The following GSTA1 variants were observed in gnomAD, a reference collection of about 807,000 sequenced individuals.
GSTA1 encodes glutathione S-transferase alpha 1, also known as glutathione S-transferase A1.
In GSTA1, 23 loss-of-function variants were observed where a neutral mutation model predicts 21.5. The ratio of observed to expected loss-of-function variants is 1.07; its 90% confidence interval spans 0.77 to 1.52. The LOEUF is 1.52. GSTA1 is among the 40% of genes most tolerant of loss of function. The pLI is 0.00. For synonymous variants in GSTA1, 125 were observed against 90.0 expected (o/e 1.39, Z -2.20); for missense variants, 301 against 264.2 (o/e 1.14, Z -0.96).
At chr6:52,800,724 T>A (rs1763696398) in intron 1 of GSTA1, among the ~76,000 whole-genome samples, 1 of 152,192 alleles carries the variant, frequency 6.6e-6, no homozygotes, top group East Asian at 1.9e-4. Flanking sequence ...CAGGACTCAT[T>A]GAAAGCAGGA....
chr6:52,794,291 G>T, intron 4 of GSTA1, 25 bp from the exon 5 acceptor site: 9 of 1,598,106 alleles, frequency 5.6e-6, no homozygotes, highest in South Asian at 1.1e-5. Context: ...CAACCAAATG[G>T]TCAAATACCT....
chr6:52,800,765 G>A (rs1276409973), intron 1 of GSTA1, among the ~76,000 whole-genome samples: 5 of 152,244 alleles, frequency 3.3e-5, no homozygotes, highest in Middle Eastern at 3.4e-3. Context: ...GAACAGTTGC[G>A]TTTTCTCTCC....
Position 52,796,136 on chromosome 6 carries a change from T to A in GSTA1, c.272+46A>T, listed in dbSNP as rs755007506. On this transcript the variant is annotated intron_variant, in intron 4 of 6. Coordinates refer to ENST00000334575, the MANE Select transcript of GSTA1 (RefSeq NM_145740.5). ...CCACCCACTCAAGGAAGGACCTAAA[T>A]CACTCTGTGTTCTCTGTGGATGGAA... The A allele has an allele frequency of 1.9e-6, 3 of 1,610,786 alleles. No individual in the cohort carries two copies. The East Asian group carries it at 6.7e-5, about 36-fold the overall frequency.
intron 1 of GSTA1, among the ~76,000 whole-genome samples, chr6:52,799,771 G>T (rs1763669874): frequency 6.6e-6 from 1 of 152,176 alleles, no homozygotes; most frequent in African/African-American, 2.4e-5. Context: ...ACTCCGGTTG[G>T]TGATGGACAT....
Position 52,802,169 on chromosome 6 carries a change from A to G in GSTA1, c.-31+1616T>C, listed in dbSNP as rs548865309. 1.0e-3 allele frequency among the ~76,000 whole-genome samples: 154 copies of G among 152,280 alleles called. 1 individual carries two copies. The highest frequency in any genetic ancestry group is 1.7e-3 in the Non-Finnish European group (116 of 68,016). ...AAATCAGAGTGAGTTGAGGACTAGT[A>G]TAATTACTTTACATCAATAATTAAC... On this transcript the variant is annotated intron_variant, in intron 1 of 6. Transcript: ENST00000334575.
chr6:52,794,104 A>T, intron 5 of GSTA1, 21 bp downstream of exon 5: 1 of 1,613,332 alleles, frequency 6.2e-7, no homozygotes. Flanking sequence ...GTTCCCCAAA[A>T]CACTGAACTG....
chr6:52,798,850 AATT>A (rs1480897542), intron 2 of GSTA1, among the ~76,000 whole-genome samples: 4 of 152,116 alleles, frequency 2.6e-5, no homozygotes, highest in African/African-American at 9.7e-5. Flanking sequence ...TATTAACAAT[AATT>A]ATTTCATGTC....
At chr6:52,802,205 T>A (rs1295886969) in intron 1 of GSTA1, among the ~76,000 whole-genome samples, 2 of 152,142 alleles carry the variant, frequency 1.3e-5, no homozygotes. Context: ...TTACATCAAT[T>A]AAAAAATGGG....
At chr6:52,796,543 A>ATATATATATATATATATTTTT (rs1300549721) in intron 3 of GSTA1, among the ~76,000 whole-genome samples, 1 of 23,760 alleles carries the variant, frequency 4.2e-5, no homozygotes, top group African/African-American at 1.1e-4. Context: ...ATATATATAT[A>ATATATATATATATATATTTTT]TTTTTTTTTT....
At chr6:52,792,214 C>G (rs1246193249) in intron 6 of GSTA1, among the ~76,000 whole-genome samples, 1 of 152,182 alleles carries the variant, frequency 6.6e-6, no homozygotes, top group Non-Finnish European at 1.5e-5. Context: ...TCATCTCTAT[C>G]TTTCTCCTTA....
chr6:52,803,300 G>A (rs1190318337), intron 1 of GSTA1, among the ~76,000 whole-genome samples: 2 of 152,080 alleles, frequency 1.3e-5, no homozygotes, highest in East Asian at 3.9e-4. Context: ...CTAATTAGTG[G>A]CAAAGGCTCA....
intron 2 of GSTA1, among the ~76,000 whole-genome samples, chr6:52,797,894 A>G (rs963792286): frequency 6.6e-6 from 1 of 152,296 alleles, no homozygotes; most frequent in Non-Finnish European, 1.5e-5. Flanking sequence ...TGATTAGGTC[A>G]TATTTTGAGG....
chr6:52,793,910 A>C (rs894004643), intron 5 of GSTA1, among the ~76,000 whole-genome samples: 18 of 152,198 alleles, frequency 1.2e-4, no homozygotes, highest in Non-Finnish European at 2.1e-4. Context: ...GGGTCCAGTA[A>C]ATTAAAATTT....
In GSTA1 at chr6:52,791,698, C is replaced by T. The variant is rs1372512940; in HGVS notation, c.*160G>A. ...CCTAATGAAAACAAATCAATTTTAA[C>T]TAAGTCAGCGAATAGGAGTTGTATT... On this transcript the variant is annotated 3_prime_UTR_variant, in exon 7 of 7. Coordinates refer to ENST00000334575, the MANE Select transcript of GSTA1 (RefSeq NM_145740.5). 2 of 804,816 alleles carry T rather than the reference C, an allele frequency of 2.5e-6. No individual in the cohort carries two copies. The highest frequency in any genetic ancestry group is 3.5e-5 in the African/African-American group (2 of 57,448). The allele number at this position is 804,816 out of a possible 1,614,324, so 49.9% of individuals were successfully genotyped here.
rs1192700314 is a variant in GSTA1 at position 52,791,913 on chromosome 6, T to C, written c.614A>G (p.Lys205Arg). The part of the protein sequence containing the change: ...KKFLQPGSPR[K>R]PPMDEKSLEE... ...TAAAGATTTCTCATCCATGGGAGGC[T>C]TCCTTGGGCTGCCAGGCTGTAGAAA... The change falls in exon 7 of 7, where the codon AAG (lysine) becomes AGG (arginine). Residue 205 changes from lysine to arginine, a missense_variant. Lys to Arg is a conservative substitution (Grantham distance 26). Transcript: ENST00000334575. 1 of 1,613,864 alleles carries C rather than the reference T, an allele frequency of 6.2e-7. No homozygotes were observed. Among genetic ancestry groups the C allele is most frequent in the East Asian group, 2.2e-5 (1 of 44,896 alleles).
At chr6:52,794,392 T>G (rs149861728) in intron 4 of GSTA1, 126 bp from the exon 5 acceptor site, 1 of 836,886 alleles carries the variant, frequency 1.2e-6, no homozygotes, top group Non-Finnish European at 1.9e-6. Flanking sequence ...GTGCCTTTTA[T>G]AGTCTAGTCA....
At chr6:52,794,059 C>T in intron 5 of GSTA1, 66 bp downstream of exon 5, 2 of 1,599,182 alleles carry the variant, frequency 1.3e-6, no homozygotes, top group Non-Finnish European at 1.7e-6. Flanking sequence ...CCCAGGAATG[C>T]CCAGCCACTA....
chr6:52,799,823 G>A (rs1208622265), intron 1 of GSTA1, among the ~76,000 whole-genome samples: 2 of 152,178 alleles, frequency 1.3e-5, no homozygotes, highest in Non-Finnish European at 1.5e-5. Flanking sequence ...ACTCCTGGAA[G>A]CCAGCTGGGT....
In GSTA1 at chr6:52,796,544, T is replaced by TATA. The variant is rs371040479; in HGVS notation, c.140-231_140-230insTAT. On this transcript the variant is annotated intron_variant, in intron 3 of 6. Transcript: ENST00000334575. Reference sequence around the variant, plus strand: ...GTGTGTGTGTGTATATATATATATATTTTTTTTTTTTTTTTTTTTGGCAGA... The same window carrying TATA: ...GTGTGTGTGTGTATATATATATATATATATTTTTTTTTTTTTTTTTTTGGCAGA... Among the ~76,000 whole-genome samples the TATA allele has an allele frequency of 9.1e-3, 366 of 40,258 alleles. 2 individuals are homozygous for TATA. The highest frequency in any genetic ancestry group is 0.017 in the Non-Finnish European group (291 of 17,618). 26.4% of individuals were successfully genotyped at this position (40,258 alleles called of 152,430 possible). A position where few individuals can be genotyped will look rare whatever the true frequency, so the allele number is the denominator to read the frequency against.
Sources: gnomAD v4.1 joint callset for allele counts (sites outside exome capture counted in the v4.1 genomes callset) on GRCh38, gnomAD v4.1.1 for gene constraint, MANE v1.5 for transcripts, NCBI Gene and HGNC (gene_info 2026-07-23, HGNC 2026-07-21) for gene names.